The following PALS2 variants were observed in gnomAD, a reference collection of about 807,000 sequenced individuals.
PALS2 encodes protein associated with LIN7 2, MAGUK p55 family member.
In PALS2, 27 loss-of-function variants were observed where a neutral mutation model predicts 61.6. That is an observed-to-expected ratio of 0.44 (90% CI 0.32 to 0.60). The LOEUF (loss-of-function observed/expected upper bound fraction) is 0.60, where lower values mean the gene tolerates loss of function less well. Ranked by LOEUF, PALS2 falls within the 20% of genes least tolerant of loss-of-function variation. The probability of loss-of-function intolerance (pLI) is 0.05; values close to 1 mark genes in which losing one functional copy is unlikely to be tolerated. For synonymous variants in PALS2, 236 were observed against 218.6 expected (o/e 1.08, Z -0.70); for missense variants, 554 against 639.4 (o/e 0.87, Z 1.44).
chr7:24,624,476 G>A lies in PALS2; in HGVS notation c.117+692G>A, dbSNP rs191652786. The stretch of plus-strand genomic sequence containing the variant: ...CTTTTGGTTTTTGCTCTATGAGAAT[G>A]TTGATTTCACTCTCTTCTGTGATTT... On this transcript the variant is annotated intron_variant, in intron 2 of 11. Coordinates refer to ENST00000222644, the MANE Select transcript of PALS2 (RefSeq NM_001303037.2). 1.7e-4 allele frequency among the ~76,000 whole-genome samples: 26 copies of A among 152,046 alleles called. No individual in the cohort carries two copies. In the East Asian group the frequency reaches 4.3e-3, roughly 25 times the overall value.
rs1181993660 is a variant in PALS2 at position 24,618,738 on chromosome 7, C to G, written c.-2-4928C>G. 6.6e-6 allele frequency among the ~76,000 whole-genome samples: 1 copy of G among 152,224 alleles called. No individual in the cohort carries two copies. The highest frequency in any genetic ancestry group is 1.5e-5 in the Non-Finnish European group (1 of 68,042). The stretch of plus-strand genomic sequence containing the variant: ...TTCTGACTCTGGGCCATTCCAGGCT[C>G]GGAGGATGGGATGGCAGAGGCAGGA... On this transcript the variant is annotated intron_variant, in intron 1 of 11. Transcript: ENST00000222644. This position sits in a 1 kb window ranked among gnomAD's most constrained non-coding sequence, Gnocchi z 5.1.
intron 11 of PALS2, among the ~76,000 whole-genome samples, chr7:24,683,990 G>T (rs1266317493): frequency 6.6e-6 from 1 of 152,028 alleles, no homozygotes; most frequent in East Asian, 1.9e-4. Context: ...CAACATTCTG[G>T]GAATAAGTAT....
At chr7:24,611,248 G>A (rs1306443275) in intron 1 of PALS2, among the ~76,000 whole-genome samples, 2 of 152,000 alleles carry the variant, frequency 1.3e-5, no homozygotes, top group Non-Finnish European at 2.9e-5. Context: ...TACATTTATA[G>A]GCAGGAAGTA....
intron 9 of PALS2, among the ~76,000 whole-genome samples, chr7:24,676,729 A>G (rs1177085452): frequency 6.6e-6 from 1 of 150,596 alleles, no homozygotes; most frequent in East Asian, 1.9e-4. Context: ...TGTTCCATTG[A>G]TCTGTATCTC....
intron 1 of PALS2, among the ~76,000 whole-genome samples, chr7:24,593,137 A>G (rs1054393944): frequency 6.6e-6 from 1 of 152,178 alleles, no homozygotes; most frequent in Non-Finnish European, 1.5e-5. Flanking sequence ...AGCAATATTT[A>G]CAGCATCTTC....
intron 1 of PALS2, among the ~76,000 whole-genome samples, chr7:24,621,342 A>G (rs115085890): frequency 0.013 from 1,910 of 152,244 alleles, 58 homozygotes; most frequent in African/African-American, 0.043. Flanking sequence ...GACAGGAAAT[A>G]GGTCTGATAG....
At chr7:24,588,054 G>A (rs1490064345) in intron 1 of PALS2, among the ~76,000 whole-genome samples, 7 of 152,146 alleles carry the variant, frequency 4.6e-5, no homozygotes, top group Non-Finnish European at 1.0e-4. Flanking sequence ...CTAGTGGGTA[G>A]AGGCCAGGGT....
In PALS2 at chr7:24,596,656, C is replaced by T. The variant is rs1783535928; in HGVS notation, c.-3+23063C>T. On this transcript the variant is annotated intron_variant, in intron 1 of 11. Coordinates refer to ENST00000222644, the MANE Select transcript of PALS2 (RefSeq NM_001303037.2). The surrounding 1 kb of genome is among the most constrained non-coding windows in gnomAD (Gnocchi z 4.5). ...AAATTTACTCAAAGCAGGACTACTA[C>T]ATTGTGAGAGTAAATTGGCAACAGT... Among the ~76,000 whole-genome samples the T allele has an allele frequency of 1.3e-5, 2 of 152,130 alleles. No individual in the cohort carries two copies. The highest frequency in any genetic ancestry group is 4.1e-4 in the South Asian group (2 of 4,834).
intron 1 of PALS2, among the ~76,000 whole-genome samples, chr7:24,595,480 AAT>A (rs895500895): frequency 9.5e-4 from 127 of 133,484 alleles, no homozygotes; most frequent in Non-Finnish European, 1.5e-3. Flanking sequence ...TAAATATGTA[AAT>A]ATATATTATA....
intron 1 of PALS2, among the ~76,000 whole-genome samples, chr7:24,575,943 A>C (rs908238525): frequency 1.6e-4 from 25 of 152,168 alleles, no homozygotes; most frequent in African/African-American, 5.3e-4. Context: ...AGAGTGATTC[A>C]CTTGATGAGT....
At chr7:24,668,939 G>A (rs566273089) in intron 9 of PALS2, among the ~76,000 whole-genome samples, 1 of 152,286 alleles carries the variant, frequency 6.6e-6, no homozygotes, top group Admixed American at 6.5e-5. Context: ...AAGACTCGTG[G>A]CAAGATAGGC....
chr7:24,669,753 C>T (rs542067649), intron 9 of PALS2, among the ~76,000 whole-genome samples: 13 of 152,280 alleles, frequency 8.5e-5, no homozygotes, highest in Non-Finnish European at 1.9e-4. Context: ...TCATTGCCCC[C>T]CTGTGCTACT....
intron 2 of PALS2, among the ~76,000 whole-genome samples, chr7:24,638,740 C>G (rs1282734497): frequency 6.6e-6 from 1 of 152,094 alleles, no homozygotes; most frequent in Non-Finnish European, 1.5e-5. Flanking sequence ...ATGATTCTGC[C>G]TTCTCACATG....
At chr7:24,612,530 G>A (rs1036597992) in intron 1 of PALS2, among the ~76,000 whole-genome samples, 6 of 151,482 alleles carry the variant, frequency 4.0e-5, no homozygotes, top group East Asian at 1.9e-4. Context: ...GCATTTTTAC[G>A]TTATTGGATC....
intron 5 of PALS2, among the ~76,000 whole-genome samples, chr7:24,658,723 AT>A (rs1012831393): frequency 1.2e-3 from 180 of 144,370 alleles, no homozygotes; most frequent in Middle Eastern, 3.6e-3. Context: ...GGCCAAGCTA[AT>A]TTTTTTTTTT....
At chr7:24,589,414 C>T (rs944070341) in intron 1 of PALS2, 1 of 152,200 alleles carries the variant, frequency 6.6e-6, no homozygotes, top group African/African-American at 2.4e-5. Flanking sequence ...CCATGGAAAG[C>T]ATTACTGTTG....
At position 24,665,637 on chromosome 7, in the gene PALS2, T is replaced by C; in HGVS notation, c.833T>C (p.Phe278Ser). Residue 278 changes from phenylalanine (F) to serine (S), a missense_variant, in exon 7 of 12, where the codon TTC becomes TCC. Physicochemically the swap from Phe to Ser is radical, Grantham distance 155 (BLOSUM62 -2). Transcript: ENST00000222644. ...AGCGCTGGTCTCATTCCAAGCCAGT[T>C]CCTGGAAGAGAAGAGAAAGGCATTT... is the stretch of plus-strand genomic sequence containing the variant. The part of the protein sequence containing the change: ...GGSAGLIPSQ[F>S]LEEKRKAFVR... 6.2e-7 allele frequency: 1 copy of C among 1,613,762 alleles called. No individual in the cohort carries two copies.
chr7:24,647,847 A>T (rs1417480368), intron 3 of PALS2, among the ~76,000 whole-genome samples: 3 of 152,168 alleles, frequency 2.0e-5, no homozygotes, highest in Admixed American at 2.0e-4. Flanking sequence ...TGATTTTCAA[A>T]TTGCCGTGAC....
intron 1 of PALS2, among the ~76,000 whole-genome samples, chr7:24,581,406 C>T (rs971389200): frequency 5.9e-5 from 9 of 152,020 alleles, no homozygotes; most frequent in Admixed American, 3.3e-4. Context: ...TTTCCAAATG[C>T]GGTGACATTC....
Sources: gnomAD v4.1 joint callset for allele counts (sites outside exome capture counted in the v4.1 genomes callset) on GRCh38, gnomAD v4.1.1 for gene constraint, Gnocchi (gnomAD v3.1) non-coding constraint, MANE v1.5 for transcripts, NCBI Gene and HGNC (gene_info 2026-07-23, HGNC 2026-07-21) for gene names.